The following CYP27C1 variants were observed in gnomAD, a reference collection of about 807,000 sequenced individuals.
The protein encoded by CYP27C1 is cytochrome P450 27C1.
Under a neutral mutation model 40.6 loss-of-function variants are expected in CYP27C1, and 29 were observed. That is an observed-to-expected ratio of 0.71 (90% confidence interval 0.53 to 0.97). CYP27C1 has a LOEUF of 0.97. Ranked by LOEUF, CYP27C1 falls within the 50% of genes least tolerant of loss-of-function variation. CYP27C1 has a pLI of 0.00. For synonymous variants in CYP27C1, 198 were observed against 186.8 expected, an observed-to-expected ratio of 1.06 and a Z score of -0.49; for missense variants, 390 against 485.8, an observed-to-expected ratio of 0.80 and a Z score of 1.85.
Position 127,199,466 on chromosome 2 carries a change from TC to T in CYP27C1, c.956del (p.Gly319AspfsTer12), listed in dbSNP as rs747114410. The stretch of plus-strand genomic sequence containing the variant: ...GGCTAAGGAAGAGGTATGTGAGAAG[TC>T]CCCCGCTCACCCTCCGGCCTCGGTC... ...QMDRGRRVSG[G>X]LLTYLFLSQA... On this transcript the variant is annotated frameshift_variant, in exon 5 of 9. Coordinates refer to ENST00000664447, the MANE Select transcript of CYP27C1 (RefSeq NM_001367502.1). LOFTEE classifies it high-confidence loss of function. 1 of 1,614,134 alleles carries T rather than the reference TC, an allele frequency of 6.2e-7. No homozygotes were observed. Among genetic ancestry groups the T allele is most frequent in the Non-Finnish European group, 8.5e-7 (1 of 1,180,020 alleles).
Position 127,198,933 on chromosome 2 carries a change from C to G in CYP27C1, c.1047+443G>C, listed in dbSNP as rs78072977. 1.0e-2 allele frequency among the ~76,000 whole-genome samples: 1,519 copies of G among 152,346 alleles called. 10 individuals are homozygous for G. The highest frequency in any genetic ancestry group is 0.017 in the Non-Finnish European group (1,177 of 68,028). ...CAGAGTTTTCTCCTCCTGGAGCCCC[C>G]CAGCAGTGCAGCAGGCCTAGTACAA... is the stretch of plus-strand genomic sequence containing the variant. On this transcript the variant is annotated intron_variant, in intron 5 of 8. Transcript: ENST00000664447.
At chr2:127,199,570 A>G in intron 4 of CYP27C1, 31 bp from the exon 5 acceptor site, 1 of 1,584,988 alleles carries the variant, frequency 6.3e-7, no homozygotes, top group Admixed American at 1.8e-5. Flanking sequence ...TTTTGAAAGG[A>G]GTTTGGGTTG....
At chr2:127,210,763 CAAAG>C (rs1683321597) in intron 1 of CYP27C1, among the ~76,000 whole-genome samples, 1 of 150,452 alleles carries the variant, frequency 6.6e-6, no homozygotes, top group Non-Finnish European at 1.5e-5. Context: ...TCAAAAAAGA[CAAAG>C]AAGGGCATTA....
rs528927786 is a variant in CYP27C1, at chr2:127,208,863, T to G, written c.283-2773A>C. Among the ~76,000 whole-genome samples, 158 of 152,246 alleles carry G rather than the reference T, an allele frequency of 1.0e-3. No individual in the cohort carries two copies. Among genetic ancestry groups the G allele is most frequent in the Middle Eastern group, 6.8e-3 (2 of 294 alleles). On this transcript the variant is annotated intron_variant, in intron 1 of 8. Transcript: ENST00000664447. This position sits in a 1 kb window ranked among gnomAD's most constrained non-coding sequence, Gnocchi z 5.2. ...GACAGAACTCTGATCTCCCTGGGCC[T>G]GAGCCCTTGGGGAAGGGGTGGCCAC...
At chr2:127,190,131 TC>T (rs1682731256) in intron 8 of CYP27C1, among the ~76,000 whole-genome samples, 1 of 152,346 alleles carries the variant, frequency 6.6e-6, no homozygotes, top group South Asian at 2.1e-4. Context: ...TCTCACTGAT[TC>T]GATATCTTAG....
In CYP27C1 at chr2:127,195,610, A is replaced by T. The variant is rs534436888; in HGVS notation, c.1048-109T>A. The T allele has an allele frequency of 6.3e-6, 7 of 1,108,768 alleles. No homozygotes were observed. The Admixed American group carries it at 1.5e-4, about 24-fold the overall frequency. The allele number at this position is 1,108,768 out of a possible 1,614,324, so 68.7% of individuals were successfully genotyped here. A position where few individuals can be genotyped will look rare whatever the true frequency, so the allele number is the denominator to read the frequency against. ...CTGGGAATACACACAGCACAAAGTC[A>T]AACTCATCCAATTCCATATAGCACC... On this transcript the variant is annotated intron_variant, in intron 5 of 8. Transcript: ENST00000664447. The surrounding 1 kb of genome is among the most constrained non-coding windows in gnomAD (Gnocchi z 6.2).
rs780893688 is a variant in CYP27C1 at position 127,199,361 on chromosome 2, G to C, written c.1047+15C>G. On this transcript the variant is annotated intron_variant, in intron 5 of 8. Transcript: ENST00000664447. ...ATCGTGTGTTGCTTGCTGAGAACAG[G>C]ACCCCCAGACTCACCGTGTCGACGC... The C allele has an allele frequency of 9.9e-6, 16 of 1,612,650 alleles. No individual in the cohort carries two copies. In the Admixed American group the frequency reaches 2.7e-4, roughly 27 times the overall value.
At chr2:127,188,544 A>G (rs576176992) in intron 8 of CYP27C1, among the ~76,000 whole-genome samples, 2 of 152,188 alleles carry the variant, frequency 1.3e-5, no homozygotes, top group East Asian at 1.9e-4. Flanking sequence ...GGCCTCTAAC[A>G]CTATTGAAAG....
At chr2:127,204,535 A>G (rs199976034) in intron 2 of CYP27C1, among the ~76,000 whole-genome samples, 13,833 of 45,520 alleles carry the variant, frequency 0.3, 3,370 homozygotes, top group East Asian at 0.57. Flanking sequence ...GAAAGAAAGA[A>G]AGAGAGAGAG....
intron 1 of CYP27C1, among the ~76,000 whole-genome samples, chr2:127,210,569 T>C (rs1251846188): frequency 6.6e-6 from 1 of 151,152 alleles, no homozygotes; most frequent in African/African-American, 2.4e-5. Context: ...GACTGGCAAA[T>C]TGGATAAGGA....
chr2:127,193,414 G>A (rs1049120369), intron 7 of CYP27C1, 117 bp from the exon 8 acceptor site: 40 of 1,200,738 alleles, frequency 3.3e-5, no homozygotes, highest in East Asian at 1.7e-4. Context: ...GGGGCCGCCC[G>A]GGTCCACTCA....
chr2:127,195,625 C>A lies in CYP27C1; in HGVS notation c.1048-124G>T, dbSNP rs1682885466. 2.4e-6 allele frequency: 2 copies of A among 848,896 alleles called. No homozygotes were observed. The highest frequency in any genetic ancestry group is 3.6e-6 in the Non-Finnish European group (2 of 555,706). 52.6% of individuals were successfully genotyped at this position (848,896 alleles called of 1,614,324 possible). A position where few individuals can be genotyped will look rare whatever the true frequency, so the allele number is the denominator to read the frequency against. ...GCACAAAGTCAAACTCATCCAATTC[C>A]ATATAGCACCTAATGTCTTACTAAA... On this transcript the variant is annotated intron_variant, in intron 5 of 8. Transcript: ENST00000664447. The surrounding 1 kb of genome is among the most constrained non-coding windows in gnomAD (Gnocchi z 6.2).
Position 127,184,103 on chromosome 2 carries a change from TAA to T in CYP27C1, c.*3166_*3167del, listed in dbSNP as rs1491418173. ...ATCTTTAAGAGCTATCTCCAAGAGA[TAA>T]AGTCTCTTTTTTTAAAACATAACTA... On this transcript the variant is annotated 3_prime_UTR_variant, in exon 9 of 9. Transcript: ENST00000664447. The T allele has an allele frequency of 1.3e-5, 2 of 152,238 alleles. No homozygotes were observed. The allele number at this position is 152,238 out of a possible 1,614,324, so 9.4% of individuals were successfully genotyped here.
intron 1 of CYP27C1, among the ~76,000 whole-genome samples, chr2:127,213,482 A>C (rs1288281168): frequency 6.6e-6 from 1 of 152,180 alleles, no homozygotes; most frequent in African/African-American, 2.4e-5. Context: ...AGACCAATGG[A>C]GCAAAACAAA....
At chr2:127,203,636 G>A (rs1428109848) in intron 2 of CYP27C1, 65 bp from the exon 3 acceptor site, 2 of 1,521,168 alleles carry the variant, frequency 1.3e-6, no homozygotes, top group Non-Finnish European at 1.8e-6. Context: ...AGAATTCAAG[G>A]AACCTCTAGA....
chr2:127,216,224 A>G (rs1276605797), intron 1 of CYP27C1, among the ~76,000 whole-genome samples: 2 of 152,242 alleles, frequency 1.3e-5, no homozygotes, highest in Admixed American at 6.5e-5. Flanking sequence ...ACATGTCTAC[A>G]CAAAACCTTA....
chr2:127,198,042 C>T (rs1682945727), intron 5 of CYP27C1, among the ~76,000 whole-genome samples: 1 of 152,164 alleles, frequency 6.6e-6, no homozygotes, highest in South Asian at 2.1e-4. Context: ...GCTGGTCTGC[C>T]TCTTCCTTTC....
chr2:127,208,599 C>G lies in CYP27C1; in HGVS notation c.283-2509G>C, dbSNP rs189423319. 1.1e-4 allele frequency among the ~76,000 whole-genome samples: 17 copies of G among 152,318 alleles called. No individual in the cohort carries two copies. The highest frequency in any genetic ancestry group is 3.1e-4 in the African/African-American group (13 of 41,576). On this transcript the variant is annotated intron_variant, in intron 1 of 8. Coordinates refer to ENST00000664447, the MANE Select transcript of CYP27C1 (RefSeq NM_001367502.1). The surrounding 1 kb of genome is among the most constrained non-coding windows in gnomAD (Gnocchi z 5.2). ...ACTGGGACTCACAACTGCCAACAGGCTAAGCTCCCTGGGTTGGGGAAGGGT... is the reference window on the plus strand; with the variant it reads ...ACTGGGACTCACAACTGCCAACAGGGTAAGCTCCCTGGGTTGGGGAAGGGT...
rs769088561 is a variant in CYP27C1, at chr2:127,193,772, C to T, written c.1293+17G>A. On this transcript the variant is annotated intron_variant, in intron 7 of 8. Transcript: ENST00000664447. ...CCGACCCGCAAGGCCTGGCCACCCC[C>T]ATGGCCCCAAACTCACGCCTTTCGG... 27 of 1,614,062 alleles carry T rather than the reference C, an allele frequency of 1.7e-5. No individual in the cohort carries two copies. Among genetic ancestry groups the T allele is most frequent in the Non-Finnish European group, 2.3e-5 (27 of 1,179,908 alleles).
Sources: gnomAD v4.1 joint callset for allele counts (sites outside exome capture counted in the v4.1 genomes callset) on GRCh38, gnomAD v4.1.1 for gene constraint, Gnocchi (gnomAD v3.1) non-coding constraint, MANE v1.5 for transcripts, NCBI Gene and HGNC (gene_info 2026-07-23, HGNC 2026-07-21) for gene names.